Variants in ETNK1 observed in about 807,000 individuals in gnomAD.
The protein encoded by ETNK1 is putative protein product of Nbla10396.
A neutral mutation model predicts 45.1 loss-of-function variants in ETNK1; 8 were observed. That is an observed-to-expected ratio of 0.18 (90% confidence interval 0.10 to 0.32). The LOEUF (loss-of-function observed/expected upper bound fraction) is 0.32, where lower values mean the gene tolerates loss of function less well. ETNK1 is among the 10% of genes least tolerant of loss of function. The probability of loss-of-function intolerance (pLI) is 1.00; values close to 1 mark genes in which losing one functional copy is unlikely to be tolerated. For synonymous variants in ETNK1, 152 were observed against 151.9 expected, an observed-to-expected ratio of 1.00 and a Z score of -0.01; for missense variants, 302 against 430.6, an observed-to-expected ratio of 0.70 and a Z score of 2.64.
At chr12:22,664,494 G>A (rs1352296902) in intron 4 of ETNK1, among the ~76,000 whole-genome samples, 2 of 152,024 alleles carry the variant, frequency 1.3e-5, no homozygotes, top group Non-Finnish European at 2.9e-5. Context: ...CACATACTAT[G>A]AGCACCCTGC....
chr12:22,640,091 T>C (rs1241279270), intron 1 of ETNK1, among the ~76,000 whole-genome samples: 3 of 152,202 alleles, frequency 2.0e-5, no homozygotes, highest in Non-Finnish European at 4.4e-5. Context: ...GTTGTTGGAA[T>C]TTGTTAAAGG....
At chr12:22,660,951 TCAG>T (rs1953993216) in intron 3 of ETNK1, 109 bp from the exon 4 acceptor site, 2 of 852,510 alleles carry the variant, frequency 2.3e-6, no homozygotes, top group Non-Finnish European at 1.8e-6. Context: ...TTGTTTGAAT[TCAG>T]CAGTATGTGC....
intron 6 of ETNK1, among the ~76,000 whole-genome samples, chr12:22,675,764 A>C (rs1042452266): frequency 1.3e-5 from 2 of 152,240 alleles, no homozygotes; most frequent in Admixed American, 6.5e-5. Context: ...AACAACAGAT[A>C]TATTAATAAA....
intron 1 of ETNK1, among the ~76,000 whole-genome samples, chr12:22,633,329 A>G (rs1484377582): frequency 6.6e-6 from 1 of 152,166 alleles, no homozygotes; most frequent in Non-Finnish European, 1.5e-5. Flanking sequence ...TTGGCCTCCC[A>G]AAGTGCTGGG....
At chr12:22,656,688 A>G in intron 2 of ETNK1, 1 of 985,304 alleles carries the variant, frequency 1.0e-6, no homozygotes, top group Non-Finnish European at 1.2e-6. Context: ...CCCCTTTGCA[A>G]AGGGGAAAAT....
Position 22,690,560 on chromosome 12 carries a change from A to T in ETNK1, c.*5606A>T, listed in dbSNP as rs1565452051. On this transcript the variant is annotated 3_prime_UTR_variant, in exon 8 of 8. Transcript: ENST00000266517. ...TGATGTTTAGGCTTTATTTCTGTTAATAAGGCTTTTTACCATTGATTAAAT... is the reference window on the plus strand; with the variant it reads ...TGATGTTTAGGCTTTATTTCTGTTATTAAGGCTTTTTACCATTGATTAAAT... 1 of 152,538 alleles carries T rather than the reference A, an allele frequency of 6.6e-6. No homozygotes were observed. Among genetic ancestry groups the T allele is most frequent in the Non-Finnish European group, 1.5e-5 (1 of 67,952 alleles). The allele number at this position is 152,538 out of a possible 1,614,324, so 9.4% of individuals were successfully genotyped here.
chr12:22,669,272 A>G (rs1954082763), intron 4 of ETNK1, among the ~76,000 whole-genome samples: 1 of 152,132 alleles, frequency 6.6e-6, no homozygotes, highest in Non-Finnish European at 1.5e-5. Context: ...CTCTTTTAAA[A>G]TAACTTTTTT....
At chr12:22,633,558 A>G (rs956128846) in intron 1 of ETNK1, among the ~76,000 whole-genome samples, 2 of 152,196 alleles carry the variant, frequency 1.3e-5, no homozygotes, top group Non-Finnish European at 2.9e-5. Flanking sequence ...TATAAGTTGT[A>G]GACTCAATTT....
At chr12:22,649,680 G>A (rs1039747218) in intron 2 of ETNK1, among the ~76,000 whole-genome samples, 1 of 151,982 alleles carries the variant, frequency 6.6e-6, no homozygotes, top group African/African-American at 2.4e-5. Context: ...TTTCAATATT[G>A]TGTTGGCTAT....
chr12:22,650,245 G>GC (rs1413388491), intron 2 of ETNK1, among the ~76,000 whole-genome samples: 6 of 144,460 alleles, frequency 4.2e-5, no homozygotes, highest in Admixed American at 3.5e-4. Context: ...AACAAAGACA[G>GC]TTTTTTTTTT....
chr12:22,658,490 A>G (rs556365378), intron 2 of ETNK1, among the ~76,000 whole-genome samples: 6 of 152,332 alleles, frequency 3.9e-5, no homozygotes, highest in South Asian at 2.1e-4. Context: ...TCACAGCACC[A>G]TAACTGTTAA....
intron 1 of ETNK1, among the ~76,000 whole-genome samples, chr12:22,637,005 A>G (rs1392625212): frequency 6.6e-6 from 1 of 152,216 alleles, no homozygotes; most frequent in Non-Finnish European, 1.5e-5. Context: ...CCAAGGGGAT[A>G]CAGTGGGACC....
intron 6 of ETNK1, among the ~76,000 whole-genome samples, chr12:22,678,320 G>C (rs561852096): frequency 6.6e-6 from 1 of 152,230 alleles, no homozygotes; most frequent in African/African-American, 2.4e-5. Context: ...ATCAGGTAAG[G>C]CTTACCAATC....
Position 22,690,633 on chromosome 12 carries a change from T to C in ETNK1, c.*5679T>C, listed in dbSNP as rs879541522. 4 of 152,528 alleles carry C rather than the reference T, an allele frequency of 2.6e-5. No homozygotes were observed. The highest frequency in any genetic ancestry group is 6.5e-5 in the Admixed American group (1 of 15,268). 9.4% of individuals were successfully genotyped at this position (152,528 alleles called of 1,614,324 possible). A position where few individuals can be genotyped will look rare whatever the true frequency, so the allele number is the denominator to read the frequency against. On this transcript the variant is annotated 3_prime_UTR_variant, in exon 8 of 8. Coordinates refer to ENST00000266517, the MANE Select transcript of ETNK1 (RefSeq NM_018638.5). ...AGATTTATATTCTGTAAATAAAAAT[T>C]CGTTGTAACAATAAAGTTGAGTTCT...
intron 1 of ETNK1, among the ~76,000 whole-genome samples, chr12:22,640,394 GC>G (rs1437443712): frequency 6.8e-6 from 1 of 147,468 alleles, no homozygotes; most frequent in African/African-American, 2.5e-5. Flanking sequence ...TAAATTGAAA[GC>G]CTTTTTTTTT....
intron 4 of ETNK1, among the ~76,000 whole-genome samples, chr12:22,666,073 GCAT>G (rs1954050818): frequency 6.6e-6 from 1 of 152,118 alleles, no homozygotes; most frequent in African/African-American, 2.4e-5. Context: ...GAACAGATAG[GCAT>G]CACGGGAAGA....
chr12:22,639,135 G>A (rs1448763089), intron 1 of ETNK1, among the ~76,000 whole-genome samples: 1 of 152,026 alleles, frequency 6.6e-6, no homozygotes, highest in East Asian at 1.9e-4. Context: ...TTTATTGGTG[G>A]GGCGTTTGTG....
At position 22,625,242 on chromosome 12, in the gene ETNK1, G is replaced by C. The variant is rs1592105490; in HGVS notation, c.-189G>C. On this transcript the variant is annotated 5_prime_UTR_variant, in exon 1 of 8. Transcript: ENST00000266517. ...GCGGGCCGGGCTCAGTTCAGCTGCT[G>C]TCCAGACCCGGATCGGCAACAGTGC... 2 of 1,612,044 alleles carry C rather than the reference G, an allele frequency of 1.2e-6. No homozygotes were observed. The highest frequency in any genetic ancestry group is 8.5e-7 in the Non-Finnish European group (1 of 1,179,604).
chr12:22,647,368 G>A (rs984813114), intron 2 of ETNK1, among the ~76,000 whole-genome samples: 3 of 151,850 alleles, frequency 2.0e-5, no homozygotes, highest in African/African-American at 7.2e-5. Context: ...CTTGTGGGTT[G>A]TGTGCATGTA....
Sources: allele counts gnomAD v4.1 joint callset (sites outside exome capture counted in the v4.1 genomes callset), GRCh38; gene constraint gnomAD v4.1.1; transcripts MANE v1.5; gene names NCBI Gene and HGNC (gene_info 2026-07-23, HGNC 2026-07-21).